NFIA: variants seen among roughly 807,000 people sequenced by gnomAD.
NFIA encodes the protein nuclear factor I A.
A neutral mutation model predicts 62.8 loss-of-function variants in NFIA; 8 were observed. That is an observed-to-expected ratio of 0.13 (90% confidence interval 0.07 to 0.23). The LOEUF (loss-of-function observed/expected upper bound fraction) is 0.23, where lower values mean the gene tolerates loss of function less well. NFIA is among the 10% of genes least tolerant of loss of function. NFIA has a pLI of 1.00. For synonymous variants in NFIA, 235 were observed against 238.1 expected (o/e 0.99, Z 0.12); for missense variants, 410 against 642.1 (o/e 0.64, Z 3.91).
intron 3 of NFIA, among the ~76,000 whole-genome samples, chr1:61,282,533 G>A (rs1467125951): frequency 1.3e-5 from 2 of 152,132 alleles, no homozygotes; most frequent in African/African-American, 4.8e-5. Context: ...TGGTGTATCA[G>A]GTCAGTCATT....
At position 61,221,015 on chromosome 1, in the gene NFIA, C is replaced by T. The variant is rs147131952; in HGVS notation, c.560-56505C>T. ...CTGTGCTTTTTTGGTTTACTCAACACGTGTCTTTTAAATATATTTCAACTG... is the reference window on the plus strand; with the variant it reads ...CTGTGCTTTTTTGGTTTACTCAACATGTGTCTTTTAAATATATTTCAACTG... On this transcript the variant is annotated intron_variant, in intron 2 of 10. Coordinates refer to ENST00000403491, the MANE Select transcript of NFIA (RefSeq NM_001134673.4). Among the ~76,000 whole-genome samples the T allele has an allele frequency of 7.0e-3, 1,072 of 152,184 alleles. 5 individuals are homozygous for T. Among genetic ancestry groups the T allele is most frequent in the Middle Eastern group, 0.02 (6 of 294 alleles).
intron 2 of NFIA, among the ~76,000 whole-genome samples, chr1:61,127,819 A>T (rs1245120898): frequency 6.6e-6 from 1 of 152,166 alleles, no homozygotes; most frequent in African/African-American, 2.4e-5. Context: ...TCTTTGTTTT[A>T]GATTATAAGC....
intron 3 of NFIA, among the ~76,000 whole-genome samples, chr1:61,301,365 G>GA (rs1659488621): frequency 6.6e-6 from 1 of 152,196 alleles, no homozygotes; most frequent in Non-Finnish European, 1.5e-5. Flanking sequence ...TTCACATCAT[G>GA]AAATTTATAA....
intron 9 of NFIA, among the ~76,000 whole-genome samples, chr1:61,408,041 T>C (rs1665932059): frequency 6.6e-6 from 1 of 152,228 alleles, no homozygotes; most frequent in Non-Finnish European, 1.5e-5. Flanking sequence ...TCCAGATGGC[T>C]AGAGGCCCTC....
rs1569868747 is a variant in NFIA at position 61,434,404 on chromosome 1, C to T, written c.1512+7848C>T. 2.6e-5 allele frequency among the ~76,000 whole-genome samples: 4 copies of T among 152,308 alleles called. No individual in the cohort carries two copies. In the South Asian group the frequency reaches 8.3e-4, roughly 32 times the overall value. On this transcript the variant is annotated intron_variant, in intron 10 of 10. Coordinates refer to ENST00000403491, the MANE Select transcript of NFIA (RefSeq NM_001134673.4). ...CCAGCTTCCCCAGCTCCCACACCAA[C>T]CTGTAAGTTCTTGACACATTCTCTT...
Position 61,455,631 on chromosome 1 carries a change from G to A in NFIA, c.*311G>A. 2.3e-6 allele frequency: 1 copy of A among 439,922 alleles called. No individual in the cohort carries two copies. The highest frequency in any genetic ancestry group is 4.0e-6 in the Non-Finnish European group (1 of 251,702). 27.3% of individuals were successfully genotyped at this position (439,922 alleles called of 1,614,324 possible). A position where few individuals can be genotyped will look rare whatever the true frequency, so the allele number is the denominator to read the frequency against. On this transcript the variant is annotated 3_prime_UTR_variant, in exon 11 of 11. Transcript: ENST00000403491. ...GGTAGCGTGAGCATTAGGTGACGTGGCTAGCGGAGGACTACCCTTGCTCAC... is the reference window on the plus strand; with the variant it reads ...GGTAGCGTGAGCATTAGGTGACGTGACTAGCGGAGGACTACCCTTGCTCAC...
At chr1:61,318,837 G>A (rs1362325056) in intron 3 of NFIA, among the ~76,000 whole-genome samples, 2 of 152,130 alleles carry the variant, frequency 1.3e-5, no homozygotes, top group East Asian at 3.9e-4. Context: ...TATTTGCATA[G>A]AGGAAAGGCC....
At chr1:61,261,922 G>T (rs1043095960) in intron 2 of NFIA, among the ~76,000 whole-genome samples, 3 of 152,158 alleles carry the variant, frequency 2.0e-5, no homozygotes, top group African/African-American at 7.2e-5. Context: ...AAACCTGCAA[G>T]AGATTTTGCT....
At chr1:61,416,324 C>T (rs1666346123) in intron 9 of NFIA, among the ~76,000 whole-genome samples, 1 of 152,144 alleles carries the variant, frequency 6.6e-6, no homozygotes, top group Admixed American at 6.5e-5. Flanking sequence ...GTGATCAAAA[C>T]CACATACTCA....
chr1:61,397,002 C>CAA (rs5774556), intron 7 of NFIA, among the ~76,000 whole-genome samples: 4,005 of 144,562 alleles, frequency 0.028, 177 homozygotes, highest in African/African-American at 0.097. Flanking sequence ...ACTCTGTCTC[C>CAA]AAAAAAAAAA....
At chr1:61,388,507 G>A (rs1664812043) in intron 7 of NFIA, among the ~76,000 whole-genome samples, 1 of 152,164 alleles carries the variant, frequency 6.6e-6, no homozygotes, top group South Asian at 2.1e-4. Flanking sequence ...TGAAGGTTTA[G>A]ATCTTCTTGA....
chr1:61,128,553 A>G (rs897515660), intron 2 of NFIA, among the ~76,000 whole-genome samples: 1 of 152,110 alleles, frequency 6.6e-6, no homozygotes, highest in Non-Finnish European at 1.5e-5. Flanking sequence ...ACAGTGAGCC[A>G]CTGTACCCCA....
At chr1:61,404,336 A>G (rs2100521345) in intron 8 of NFIA, 54 bp downstream of exon 8, 1 of 1,501,902 alleles carries the variant, frequency 6.7e-7, no homozygotes. Flanking sequence ...GAATATAAAA[A>G]TAACAAGGGG....
chr1:61,226,280 T>C (rs558379194), intron 2 of NFIA, among the ~76,000 whole-genome samples: 1 of 152,336 alleles, frequency 6.6e-6, no homozygotes, highest in Non-Finnish European at 1.5e-5. Context: ...TTAAAGACTG[T>C]GTTTTAACGA....
At position 61,297,707 on chromosome 1, in the gene NFIA, G is replaced by T. The variant is rs540062892; in HGVS notation, c.625+20122G>T. On this transcript the variant is annotated intron_variant, in intron 3 of 10. Transcript: ENST00000403491. ...AAGAGCCATACTTTTTTATGCAGGTGATAGGCAGGTTTGCACCTAATAACA... is the reference window on the plus strand; with the variant it reads ...AAGAGCCATACTTTTTTATGCAGGTTATAGGCAGGTTTGCACCTAATAACA... 8.5e-5 allele frequency among the ~76,000 whole-genome samples: 13 copies of T among 152,288 alleles called. No individual in the cohort carries two copies. In the South Asian group the frequency reaches 2.5e-3, roughly 29 times the overall value.
In NFIA at chr1:61,421,230, T is replaced by C. The variant is rs542998420; in HGVS notation, c.1421-5235T>C. Among the ~76,000 whole-genome samples the C allele has an allele frequency of 2.6e-5, 4 of 152,300 alleles. No individual in the cohort carries two copies. In the South Asian group the frequency reaches 8.3e-4, roughly 32 times the overall value. ...CTCATGTTTCCATCCTCTGTACTTATCTCTCCCCATTAGGCTGTAACATGT... is the reference window on the plus strand; with the variant it reads ...CTCATGTTTCCATCCTCTGTACTTACCTCTCCCCATTAGGCTGTAACATGT... On this transcript the variant is annotated intron_variant, in intron 9 of 10. Transcript: ENST00000403491.
intron 2 of NFIA, among the ~76,000 whole-genome samples, chr1:61,232,420 T>A (rs1654735355): frequency 6.6e-6 from 1 of 152,234 alleles, no homozygotes; most frequent in African/African-American, 2.4e-5. Context: ...AAAAGTTTTA[T>A]TGCCATGAGT....
intron 3 of NFIA, among the ~76,000 whole-genome samples, chr1:61,324,185 G>C (rs1353129405): frequency 6.6e-6 from 1 of 152,176 alleles, no homozygotes; most frequent in Non-Finnish European, 1.5e-5. Context: ...AGAAGGATGA[G>C]AATGTAGGTT....
rs554066614 is a variant in NFIA at position 61,363,997 on chromosome 1, A to G, written c.946+4723A>G. Reference sequence around the variant, plus strand: ...AGTCTTGCTCTATCGCCCAGGCTGGAGTGCAGTGGCGCGATCTCAGCTCAC... The same window carrying G: ...AGTCTTGCTCTATCGCCCAGGCTGGGGTGCAGTGGCGCGATCTCAGCTCAC... On this transcript the variant is annotated intron_variant, in intron 6 of 10. Coordinates refer to ENST00000403491, the MANE Select transcript of NFIA (RefSeq NM_001134673.4). Among the ~76,000 whole-genome samples, 4 of 147,026 alleles carry G rather than the reference A, an allele frequency of 2.7e-5. No homozygotes were observed. The South Asian group carries it at 8.6e-4, about 32-fold the overall frequency.
Sources: allele counts gnomAD v4.1 joint callset (sites outside exome capture counted in the v4.1 genomes callset), GRCh38; gene constraint gnomAD v4.1.1; transcripts MANE v1.5; gene names NCBI Gene and HGNC (gene_info 2026-07-23, HGNC 2026-07-21).